The following SEPTIN11 variants were observed in gnomAD, a reference collection of about 807,000 sequenced individuals.
SEPTIN11 encodes the protein septin 11, also known as septin-11.
Under a neutral mutation model 51.4 loss-of-function variants are expected in SEPTIN11, and 25 were observed. The observed-to-expected ratio is 0.49, with a 90% CI of 0.35 to 0.68. The LOEUF (loss-of-function observed/expected upper bound fraction) is 0.68, where lower values mean the gene tolerates loss of function less well. SEPTIN11 is among the 30% of genes least tolerant of loss of function. The pLI is 0.00. For missense variants in SEPTIN11, 381 were observed against 520.8 expected (o/e 0.73, Z 2.61); for synonymous variants, 174 against 184.1 (o/e 0.95, Z 0.44).
chr4:76,967,685 C>T (rs991277042), intron 1 of SEPTIN11, among the ~76,000 whole-genome samples: 3 of 151,898 alleles, frequency 2.0e-5, no homozygotes, highest in Non-Finnish European at 4.4e-5. Flanking sequence ...ATCTGATTTC[C>T]ATTGGAAATA....
chr4:76,977,290 T>C (rs1722545546), intron 1 of SEPTIN11, among the ~76,000 whole-genome samples: 1 of 152,174 alleles, frequency 6.6e-6, no homozygotes, highest in East Asian at 1.9e-4. Flanking sequence ...CCTCATGGAT[T>C]GTTAGGAAAT....
Position 77,015,098 on chromosome 4 carries a change from C to G in SEPTIN11, c.687+81C>G, listed in dbSNP as rs1725127485. 9.3e-6 allele frequency: 13 copies of G among 1,393,718 alleles called. No individual in the cohort carries two copies. In the East Asian group the frequency reaches 1.9e-4, roughly 20 times the overall value. 86.3% of individuals were successfully genotyped at this position (1,393,718 alleles called of 1,614,324 possible). The stretch of plus-strand genomic sequence containing the variant: ...GCAGCATTGTAGAGTGGCTGGAGCA[C>G]TGGACTGACTAGGAACCTGATGACT... On this transcript the variant is annotated intron_variant, in intron 5 of 9. Coordinates refer to ENST00000264893, the MANE Select transcript of SEPTIN11 (RefSeq NM_018243.4).
chr4:77,019,114 A>G (rs763576225), intron 5 of SEPTIN11, 51 bp from the exon 6 acceptor site: 22 of 1,527,674 alleles, frequency 1.4e-5, no homozygotes, highest in Non-Finnish European at 2.0e-5. Flanking sequence ...GGTGGAAACC[A>G]GTCTGTCAGA....
intron 4 of SEPTIN11, among the ~76,000 whole-genome samples, chr4:77,013,435 C>T (rs989846230): frequency 1.9e-4 from 29 of 152,158 alleles, no homozygotes; most frequent in African/African-American, 6.8e-4. Context: ...AACTAAATTG[C>T]TTGATTTCTC....
intron 1 of SEPTIN11, among the ~76,000 whole-genome samples, chr4:76,980,507 A>C (rs761172552): frequency 2.6e-5 from 4 of 151,772 alleles, no homozygotes; most frequent in African/African-American, 9.7e-5. Flanking sequence ...CGCTAAACCC[A>C]CTCCCGGTAA....
chr4:77,025,544 C>CAA (rs200938790), intron 7 of SEPTIN11, among the ~76,000 whole-genome samples: 7 of 131,394 alleles, frequency 5.3e-5, no homozygotes, highest in Admixed American at 3.8e-4. Flanking sequence ...GAACCTGTCT[C>CAA]AAAAAAAAAA....
At chr4:76,963,647 C>T (rs746146353) in intron 1 of SEPTIN11, among the ~76,000 whole-genome samples, 19 of 152,142 alleles carry the variant, frequency 1.2e-4, no homozygotes, top group Non-Finnish European at 2.4e-4. Context: ...GATAGCTGTA[C>T]AACTAAAATT....
chr4:76,994,789 G>T (rs1723577095), intron 1 of SEPTIN11, among the ~76,000 whole-genome samples: 1 of 151,672 alleles, frequency 6.6e-6, no homozygotes. Context: ...TTTGAAATGG[G>T]GTCTTAGTCC....
At chr4:77,026,104 T>C (rs1398466444) in intron 7 of SEPTIN11, among the ~76,000 whole-genome samples, 1 of 152,166 alleles carries the variant, frequency 6.6e-6, no homozygotes, top group Non-Finnish European at 1.5e-5. Flanking sequence ...CACAACTGAG[T>C]TGTGATTCAT....
intron 1 of SEPTIN11, among the ~76,000 whole-genome samples, chr4:76,980,395 A>G (rs1722712651): frequency 1.3e-5 from 2 of 152,218 alleles, no homozygotes; most frequent in African/African-American, 4.8e-5. Context: ...AATTATTAAT[A>G]TCCGGGCTAA....
chr4:76,980,599 G>A (rs1015689122), intron 1 of SEPTIN11, among the ~76,000 whole-genome samples: 6 of 152,160 alleles, frequency 3.9e-5, no homozygotes, highest in African/African-American at 1.4e-4. Context: ...AGTGAGATAC[G>A]TGGTCTGACC....
At chr4:77,001,639 CGT>C (rs1462597556) in intron 2 of SEPTIN11, among the ~76,000 whole-genome samples, 2 of 152,278 alleles carry the variant, frequency 1.3e-5, no homozygotes, top group East Asian at 3.9e-4. Flanking sequence ...CGTGAGCCAC[CGT>C]GCCTGGCCTG....
chr4:76,952,172 A>G (rs761582530), intron 1 of SEPTIN11, among the ~76,000 whole-genome samples: 8 of 152,176 alleles, frequency 5.3e-5, no homozygotes, highest in Non-Finnish European at 1.0e-4. Flanking sequence ...AAGTCAATGA[A>G]TGGGGAAGAC....
rs749862442 is a variant in SEPTIN11, at chr4:77,038,554, A to C, written c.*4042A>C. 3.0e-6 allele frequency: 3 copies of C among 990,940 alleles called. No homozygotes were observed. Among genetic ancestry groups the C allele is most frequent in the Non-Finnish European group, 3.6e-6 (3 of 833,348 alleles). The allele number at this position is 990,940 out of a possible 1,614,324, so 61.4% of individuals were successfully genotyped here. ...TAGGAGAGTGGTGAACAGATAATCT[A>C]TGCATATATCACTAGTGCCAAGACA... On this transcript the variant is annotated 3_prime_UTR_variant, in exon 10 of 10. Coordinates refer to ENST00000264893, the MANE Select transcript of SEPTIN11 (RefSeq NM_018243.4).
intron 2 of SEPTIN11, among the ~76,000 whole-genome samples, chr4:76,998,687 G>C (rs951537950): frequency 6.6e-6 from 1 of 152,098 alleles, no homozygotes; most frequent in Non-Finnish European, 1.5e-5. Context: ...GGGGTTCAAC[G>C]AGCCCCATCA....
intron 1 of SEPTIN11, among the ~76,000 whole-genome samples, chr4:76,989,716 A>G (rs1233177209): frequency 6.6e-6 from 1 of 152,178 alleles, no homozygotes; most frequent in African/African-American, 2.4e-5. Context: ...TTACTGTACC[A>G]TTTCTATGTT....
At chr4:76,951,382 G>T (rs1287664000) in intron 1 of SEPTIN11, among the ~76,000 whole-genome samples, 1 of 152,152 alleles carries the variant, frequency 6.6e-6, no homozygotes, top group Non-Finnish European at 1.5e-5. Flanking sequence ...AAGAATTCTG[G>T]TCTTCTTTTG....
intron 1 of SEPTIN11, among the ~76,000 whole-genome samples, chr4:76,987,392 C>A (rs1198628350): frequency 6.6e-6 from 1 of 152,158 alleles, no homozygotes; most frequent in Non-Finnish European, 1.5e-5. Flanking sequence ...TTGTTCAAAT[C>A]ATCTTTAAAG....
In SEPTIN11 at chr4:76,995,940, T is replaced by C. The variant is rs1415103652; in HGVS notation, c.28-485T>C. The C allele has an allele frequency of 2.1e-5, 33 of 1,535,334 alleles. No homozygotes were observed. In the Admixed American group the frequency reaches 6.5e-4, roughly 30 times the overall value. ...AGTTTTAAATATGCTGCATTTATGG[T>C]AGGTAGAGCATTGTCATCATTGTAA... On this transcript the variant is annotated intron_variant, in intron 1 of 9. Coordinates refer to ENST00000264893, the MANE Select transcript of SEPTIN11 (RefSeq NM_018243.4).
Sources: allele counts gnomAD v4.1 joint callset (sites outside exome capture counted in the v4.1 genomes callset), GRCh38; gene constraint gnomAD v4.1.1; transcripts MANE v1.5; gene names NCBI Gene and HGNC (gene_info 2026-07-23, HGNC 2026-07-21).